The following ANKFN1 variants were observed in gnomAD, a reference collection of about 807,000 sequenced individuals.
ANKFN1 encodes the protein ankyrin repeat and fibronectin type III domain containing 1.
Under a neutral mutation model 108.7 loss-of-function variants are expected in ANKFN1, and 74 were observed. That is an observed-to-expected ratio of 0.68 (90% CI 0.56 to 0.83). The LOEUF (loss-of-function observed/expected upper bound fraction) is 0.83, where lower values mean the gene tolerates loss of function less well. ANKFN1 is among the 40% of genes least tolerant of loss of function. The pLI, the probability that ANKFN1 is intolerant of heterozygous loss-of-function variation, is 0.00. For synonymous variants in ANKFN1, 547 were observed against 516.2 expected, an observed-to-expected ratio of 1.06 and a Z score of -0.81; for missense variants, 1,505 against 1,382.3, an observed-to-expected ratio of 1.09 and a Z score of -1.41.
chr17:56,312,353 C>G (rs546765023), intron 3 of ANKFN1, among the ~76,000 whole-genome samples: 1 of 152,300 alleles, frequency 6.6e-6, no homozygotes, highest in African/African-American at 2.4e-5. Flanking sequence ...CCTATCTAGT[C>G]TAGACCCAGA....
At chr17:56,144,909 T>C (rs951674742) in intron 4 of ANKFN1, among the ~76,000 whole-genome samples, 5 of 152,260 alleles carry the variant, frequency 3.3e-5, no homozygotes, top group African/African-American at 1.2e-4. Context: ...CTCAGGATTT[T>C]CTTTTTCCTC....
intron 3 of ANKFN1, among the ~76,000 whole-genome samples, chr17:56,282,782 A>C (rs1469900273): frequency 1.3e-5 from 2 of 152,106 alleles, no homozygotes; most frequent in African/African-American, 4.8e-5. Flanking sequence ...CCTAAACTTT[A>C]AGCTTTGACA....
chr17:56,506,604 C>G (rs1176225829), intron 20 of ANKFN1, among the ~76,000 whole-genome samples: 2 of 151,052 alleles, frequency 1.3e-5, no homozygotes, highest in Non-Finnish European at 2.9e-5. Flanking sequence ...TTTTAAGCCA[C>G]CCAGTATGTG....
chr17:56,254,636 T>C (rs945855457), intron 3 of ANKFN1, among the ~76,000 whole-genome samples: 5 of 152,170 alleles, frequency 3.3e-5, no homozygotes, highest in African/African-American at 9.7e-5. Flanking sequence ...GCAGAGATTC[T>C]CAACCCCTAG....
At chr17:56,064,021 G>T (rs1905021345) in intron 4 of ANKFN1, among the ~76,000 whole-genome samples, 2 of 152,166 alleles carry the variant, frequency 1.3e-5, no homozygotes, top group Non-Finnish European at 2.9e-5. Flanking sequence ...GCTGCAGTTT[G>T]TTGGGGGTTC....
At chr17:56,243,218 C>G (rs1364280311) in intron 3 of ANKFN1, among the ~76,000 whole-genome samples, 3 of 152,000 alleles carry the variant, frequency 2.0e-5, no homozygotes, top group Non-Finnish European at 4.4e-5. Context: ...TTCTTTGAGA[C>G]TTTCCTCTCT....
At chr17:56,065,440 A>C (rs369108049) in intron 4 of ANKFN1, among the ~76,000 whole-genome samples, 2 of 152,132 alleles carry the variant, frequency 1.3e-5, no homozygotes, top group Admixed American at 6.5e-5. Flanking sequence ...TACATTCACA[A>C]CTTGTCTTGC....
intron 4 of ANKFN1, among the ~76,000 whole-genome samples, chr17:56,056,666 T>C (rs1454171698): frequency 1.3e-5 from 2 of 152,164 alleles, no homozygotes; most frequent in Non-Finnish European, 2.9e-5. Flanking sequence ...CATATATAAA[T>C]AATTAACTCA....
chr17:56,433,075 T>C (rs1234921281), intron 8 of ANKFN1, among the ~76,000 whole-genome samples: 4 of 152,214 alleles, frequency 2.6e-5, no homozygotes, highest in Admixed American at 1.3e-4. Flanking sequence ...AAGTCTATTG[T>C]AAATTTTACT....
intron 1 of ANKFN1, among the ~76,000 whole-genome samples, chr17:56,155,128 A>C (rs1350729115): frequency 1.3e-5 from 2 of 152,196 alleles, no homozygotes; most frequent in Non-Finnish European, 2.9e-5. Flanking sequence ...CAGACAGAGG[A>C]GGAAGTAGAG....
At chr17:56,374,888 G>A (rs888731605) in intron 8 of ANKFN1, among the ~76,000 whole-genome samples, 174 bp downstream of exon 8, 1 of 152,208 alleles carries the variant, frequency 6.6e-6, no homozygotes, top group African/African-American at 2.4e-5. Flanking sequence ...ACAATCAAGT[G>A]ACTGAGAATG....
At chr17:56,464,850 T>C (rs923348187) in intron 14 of ANKFN1, among the ~76,000 whole-genome samples, 2 of 152,200 alleles carry the variant, frequency 1.3e-5, no homozygotes, top group African/African-American at 4.8e-5. Flanking sequence ...TAAATAATTT[T>C]TTCAGAAGTC....
At chr17:56,456,308 C>T (rs574975118) in intron 11 of ANKFN1, among the ~76,000 whole-genome samples, 3 of 151,842 alleles carry the variant, frequency 2.0e-5, no homozygotes, top group South Asian at 2.1e-4. Flanking sequence ...GTCTCCTCTG[C>T]AGTTATAAAG....
At chr17:56,189,997 CAA>C (rs59587527) in intron 1 of ANKFN1, among the ~76,000 whole-genome samples, 9 of 143,220 alleles carry the variant, frequency 6.3e-5, no homozygotes, top group Admixed American at 1.4e-4. Context: ...CATCCATGTG[CAA>C]AAAAAAAAAA....
intron 4 of ANKFN1, among the ~76,000 whole-genome samples, chr17:56,345,046 G>A (rs1344977123): frequency 6.6e-6 from 1 of 151,594 alleles, no homozygotes; most frequent in Non-Finnish European, 1.5e-5. Flanking sequence ...CCTCCCCTTG[G>A]CCACACCCAC....
chr17:56,178,368 A>G (rs181218430), intron 1 of ANKFN1, among the ~76,000 whole-genome samples: 84 of 152,352 alleles, frequency 5.5e-4, no homozygotes, highest in African/African-American at 2.0e-3. Flanking sequence ...AAAGTTCCCA[A>G]TATAATTTGG....
chr17:56,083,920 T>C (rs763832596), intron 4 of ANKFN1, among the ~76,000 whole-genome samples: 3 of 151,266 alleles, frequency 2.0e-5, no homozygotes, highest in Non-Finnish European at 4.4e-5. Flanking sequence ...TGAATACCAG[T>C]TGACAAAAAG....
At chr17:56,499,187 G>C in intron 20 of ANKFN1, 89 bp downstream of exon 20, 1 of 1,250,822 alleles carries the variant, frequency 8.0e-7, no homozygotes, top group Non-Finnish European at 1.1e-6. Context: ...TGAGGTATTG[G>C]TTCCAGAAAG....
intron 3 of ANKFN1, among the ~76,000 whole-genome samples, chr17:56,299,110 T>C (rs1024827428): frequency 6.6e-6 from 1 of 152,198 alleles, no homozygotes; most frequent in African/African-American, 2.4e-5. Flanking sequence ...AGAACCCAAA[T>C]GAGGAAATAA....
Sources: allele counts gnomAD v4.1 joint callset (sites outside exome capture counted in the v4.1 genomes callset), GRCh38; gene constraint gnomAD v4.1.1; transcripts MANE v1.5; gene names NCBI Gene and HGNC (gene_info 2026-07-23, HGNC 2026-07-21).